The following LMAN1L variants were observed in gnomAD, a reference collection of about 807,000 sequenced individuals.
The protein encoded by LMAN1L is protein ERGIC-53-like.
LMAN1L carries 60 observed loss-of-function variants against 58.3 expected under a neutral mutation model. The ratio of observed to expected loss-of-function variants is 1.03; its 90% CI spans 0.84 to 1.27. The LOEUF is 1.27. LMAN1L is among the 50% of genes most tolerant of loss of function. The pLI is 0.00. For missense variants in LMAN1L, 629 were observed against 674.0 expected (o/e 0.93, Z 0.74); for synonymous variants, 280 against 271.6 (o/e 1.03, Z -0.31).
chr15:74,823,446 G>T, intron 11 of LMAN1L, 113 bp from the exon 12 acceptor site: 1 of 1,233,538 alleles, frequency 8.1e-7, no homozygotes. Flanking sequence ...CCCATGGATG[G>T]TACCTGTTCC....
chr15:74,813,010 C>A lies in LMAN1L; in HGVS notation c.156C>A (p.Pro52=). ...TGGCATTGCCTGGGGCTGGAATACC[C>A]TTCTGGAGCCATCATGGAGGTGAGG... ...PRLALPGAGI[P]FWSHHGDAIL... Residue 52 remains proline, a synonymous_variant, in exon 1 of 14, where the codon CCC becomes CCA. Coordinates refer to ENST00000309664, the MANE Select transcript of LMAN1L (RefSeq NM_021819.3). 1 of 1,613,220 alleles carries A rather than the reference C, an allele frequency of 6.2e-7. No individual in the cohort carries two copies. The highest frequency in any genetic ancestry group is 8.5e-7 in the Non-Finnish European group (1 of 1,179,582).
chr15:74,819,032 G>C, intron 5 of LMAN1L, 120 bp from the exon 6 acceptor site: 1 of 1,251,020 alleles, frequency 8.0e-7, no homozygotes, highest in Non-Finnish European at 1.1e-6. Context: ...AGGAGTGCGG[G>C]TCACCTCCAT....
chr15:74,822,033 C>T (rs11072509), intron 10 of LMAN1L, 133 bp downstream of exon 10: 5 of 641,570 alleles, frequency 7.8e-6, no homozygotes, highest in East Asian at 5.4e-5. Context: ...AGAAGGGAGA[C>T]GTATTTTGGC....
At chr15:74,815,749 G>A (rs766130452) in intron 1 of LMAN1L, among the ~76,000 whole-genome samples, 18 of 152,128 alleles carry the variant, frequency 1.2e-4, no homozygotes, top group Non-Finnish European at 2.2e-4. Flanking sequence ...CCTCAGTTTC[G>A]TCATCTGAGA....
intron 6 of LMAN1L, 170 bp downstream of exon 6, chr15:74,819,442 G>T: frequency 2.4e-6 from 2 of 831,774 alleles, no homozygotes; most frequent in Non-Finnish European, 3.7e-6. Flanking sequence ...AGTCTCAAAT[G>T]GGATAAAACA....
chr15:74,816,581 CT>C (rs767882353), intron 3 of LMAN1L, 47 bp downstream of exon 3: 2 of 1,593,344 alleles, frequency 1.3e-6, no homozygotes, highest in Non-Finnish European at 1.7e-6. Flanking sequence ...CGCTCACACC[CT>C]CCCCCTCCCG....
intron 12 of LMAN1L, chr15:74,824,062 G>A: frequency 2.0e-6 from 1 of 509,670 alleles, no homozygotes; most frequent in Non-Finnish European, 3.5e-6. Context: ...CCCTCACCCT[G>A]CTCACCCTGT....
Position 74,824,564 on chromosome 15 carries a change from C to T in LMAN1L, c.1451+86C>T. 6.0e-6 allele frequency: 9 copies of T among 1,497,226 alleles called. No homozygotes were observed. In the South Asian group the frequency reaches 9.4e-5, roughly 16 times the overall value. 92.7% of individuals were successfully genotyped at this position (1,497,226 alleles called of 1,614,324 possible). On this transcript the variant is annotated intron_variant, in intron 13 of 13. Transcript: ENST00000309664. ...ACCATTGGATTTAGGAGAGGGGACA[C>T]TTCAGCTCAGAGGGGACCTGCCGAG... is the stretch of plus-strand genomic sequence containing the variant.
intron 1 of LMAN1L, among the ~76,000 whole-genome samples, chr15:74,814,760 C>T (rs1457473504): frequency 4.0e-5 from 6 of 151,586 alleles, no homozygotes; most frequent in African/African-American, 9.7e-5. Context: ...CCGCCTGCCT[C>T]GGCTTCCCAA....
At chr15:74,822,900 C>T (rs2141117370) in intron 11 of LMAN1L, among the ~76,000 whole-genome samples, 191 bp downstream of exon 11, 1 of 152,264 alleles carries the variant, frequency 6.6e-6, no homozygotes, top group African/African-American at 2.4e-5. Flanking sequence ...TTTGCAAGTC[C>T]TAGTTAAAAA....
chr15:74,814,683 T>G lies in LMAN1L; in HGVS notation c.176-1474T>G, dbSNP rs1434642904. Among the ~76,000 whole-genome samples the G allele has an allele frequency of 5.3e-5, 8 of 152,124 alleles. No homozygotes were observed. In the East Asian group the frequency reaches 7.7e-4, roughly 15 times the overall value. On this transcript the variant is annotated intron_variant, in intron 1 of 13. Coordinates refer to ENST00000309664, the MANE Select transcript of LMAN1L (RefSeq NM_021819.3). ...ACCGCGCCCAGCCTAATTTTTGTAT[T>G]TTTTAAGTAGAGACGGGTTGTCACC... is the stretch of plus-strand genomic sequence containing the variant.
chr15:74,817,140 C>G (rs1036461979), intron 4 of LMAN1L, among the ~76,000 whole-genome samples: 1 of 152,204 alleles, frequency 6.6e-6, no homozygotes, highest in African/African-American at 2.4e-5. Context: ...CTCCCCGGCC[C>G]TACTGCCTCC....
rs201688061 is a variant in LMAN1L at position 74,821,036 on chromosome 15, A to G, written c.908-39A>G. On this transcript the variant is annotated intron_variant, in intron 8 of 13. Coordinates refer to ENST00000309664, the MANE Select transcript of LMAN1L (RefSeq NM_021819.3). ...ATAAGATAGGCTGTGTTACCCCACC[A>G]TGGCTGGCTGCCCATCCCAGCTCTG... 4.6e-6 allele frequency: 7 copies of G among 1,533,916 alleles called. No individual in the cohort carries two copies. In the African/African-American group the frequency reaches 6.9e-5, roughly 15 times the overall value.
chr15:74,821,770 TG>T, intron 9 of LMAN1L, 58 bp from the exon 10 acceptor site: 1 of 1,135,912 alleles, frequency 8.8e-7, no homozygotes. Context: ...GCTGCTAGTG[TG>T]GGGAAGAGGG....
At chr15:74,816,560 G>T in intron 3 of LMAN1L, 26 bp downstream of exon 3, 1 of 1,578,814 alleles carries the variant, frequency 6.3e-7, no homozygotes, top group Non-Finnish European at 8.6e-7. Context: ...CTGCCTGCCA[G>T]CCCGCCTGCC....
At chr15:74,814,563 T>C (rs899516777) in intron 1 of LMAN1L, among the ~76,000 whole-genome samples, 5 of 152,094 alleles carry the variant, frequency 3.3e-5, no homozygotes, top group Admixed American at 6.6e-5. Context: ...TTAGTAGAGA[T>C]GGGGTTTCAC....
Position 74,818,729 on chromosome 15 carries a change from G to A in LMAN1L, c.509G>A (p.Ser170Asn). The change falls in exon 5 of 14, where the codon AGC becomes AAC. Residue 170 changes from serine to asparagine, a missense_variant. This residue lies in a region of LMAN1L where 573 missense variants were observed against 597.3 expected (regional missense o/e 0.96). Coordinates refer to ENST00000309664, the MANE Select transcript of LMAN1L (RefSeq NM_021819.3). Reference sequence around the variant, plus strand: ...CAAACTGCCCACAGGGATGGAGCTAGCCAAGGGCTGGGCTCCTGTCATTGG... The same window carrying A: ...CAAACTGCCCACAGGGATGGAGCTAACCAAGGGCTGGGCTCCTGTCATTGG... ...IPSEQPGDGA[S>N]QGLGSCHWDF... is the part of the protein sequence containing the mutation. The A allele has an allele frequency of 6.2e-7, 1 of 1,608,606 alleles. No individual in the cohort carries two copies. Among genetic ancestry groups the A allele is most frequent in the Non-Finnish European group, 8.5e-7 (1 of 1,177,822 alleles).
chr15:74,818,846 G>A (rs748428078), intron 5 of LMAN1L, 29 bp downstream of exon 5: 3 of 1,566,082 alleles, frequency 1.9e-6, no homozygotes, highest in South Asian at 2.3e-5. Flanking sequence ...TTCTGACAGG[G>A]CTCTGAGTTA....
At chr15:74,817,834 A>G (rs2063898480) in intron 4 of LMAN1L, among the ~76,000 whole-genome samples, 1 of 152,066 alleles carries the variant, frequency 6.6e-6, no homozygotes, top group Non-Finnish European at 1.5e-5. Context: ...CAACATGGTG[A>G]AACCCTGTCT....
Sources: allele counts gnomAD v4.1 joint callset (sites outside exome capture counted in the v4.1 genomes callset), GRCh38; gene constraint gnomAD v4.1.1; regional missense constraint gnomAD v4.1.1; transcripts MANE v1.5; gene names NCBI Gene and HGNC (gene_info 2026-07-23, HGNC 2026-07-21).